Variants in DPP10 observed in about 807,000 individuals in gnomAD.
The protein encoded by DPP10 is inactive dipeptidyl peptidase 10.
A neutral mutation model predicts 120.9 loss-of-function variants in DPP10; 33 were observed. The ratio of observed to expected loss-of-function variants is 0.27; its 90% CI spans 0.21 to 0.37. DPP10 has a LOEUF of 0.37. DPP10 is among the 10% of genes least tolerant of loss of function. The pLI, the probability that DPP10 is intolerant of heterozygous loss-of-function variation, is 1.00. For synonymous variants in DPP10, 337 were observed against 326.1 expected (o/e 1.03, Z -0.36); for missense variants, 816 against 942.8 (o/e 0.87, Z 1.76).
At chr2:114,516,414 C>A (rs1483094480) in intron 1 of DPP10, among the ~76,000 whole-genome samples, 1 of 152,196 alleles carries the variant, frequency 6.6e-6, no homozygotes, top group African/African-American at 2.4e-5. Context: ...TGATGAGACT[C>A]TGCTGTTTTC....
chr2:115,295,824 G>T (rs2060860322), intron 1 of DPP10, among the ~76,000 whole-genome samples: 1 of 151,880 alleles, frequency 6.6e-6, no homozygotes, highest in African/African-American at 2.4e-5. Flanking sequence ...TGCACTCAAG[G>T]AATCTTTAAA....
chr2:114,458,657 T>C (rs1236536236), intron 1 of DPP10, among the ~76,000 whole-genome samples: 1 of 152,210 alleles, frequency 6.6e-6, no homozygotes, highest in African/African-American at 2.4e-5. Context: ...GAACCTTCTT[T>C]TCTCATCTGT....
chr2:115,056,265 G>A (rs1361545441), intron 1 of DPP10, among the ~76,000 whole-genome samples: 1 of 152,190 alleles, frequency 6.6e-6, no homozygotes, highest in African/African-American at 2.4e-5. Context: ...GTGGAGACCA[G>A]CATGAGCAAA....
intron 7 of DPP10, among the ~76,000 whole-genome samples, chr2:115,707,979 G>C (rs2092185679): frequency 1.3e-5 from 2 of 151,824 alleles, no homozygotes; most frequent in Admixed American, 1.3e-4. Context: ...AAAGAAAAAG[G>C]TGGCAAATTG....
chr2:114,575,759 A>T (rs1290733767), intron 1 of DPP10, among the ~76,000 whole-genome samples: 4 of 152,258 alleles, frequency 2.6e-5, no homozygotes, highest in South Asian at 2.1e-4. Flanking sequence ...TGGAAAACTC[A>T]TGATTTTCTC....
chr2:114,985,693 A>G (rs1700351290), intron 1 of DPP10, among the ~76,000 whole-genome samples: 1 of 152,202 alleles, frequency 6.6e-6, no homozygotes, highest in Non-Finnish European at 1.5e-5. Flanking sequence ...ACGCAGTCAC[A>G]TTGGGGTTGA....
chr2:114,513,304 T>C (rs1044240743), intron 1 of DPP10, among the ~76,000 whole-genome samples: 1 of 151,948 alleles, frequency 6.6e-6, no homozygotes, highest in Admixed American at 6.6e-5. Flanking sequence ...AGGTGGATCA[T>C]GAGGTCAGGA....
chr2:115,609,588 C>T (rs2083950253), intron 5 of DPP10, among the ~76,000 whole-genome samples: 1 of 151,964 alleles, frequency 6.6e-6, no homozygotes, highest in African/African-American at 2.4e-5. Flanking sequence ...TCTCTTCTCC[C>T]CCACCAAAAA....
intron 1 of DPP10, among the ~76,000 whole-genome samples, chr2:115,010,444 T>C (rs150006298): frequency 3.3e-5 from 5 of 152,292 alleles, no homozygotes; most frequent in East Asian, 3.9e-4. Context: ...TAAAAACAGA[T>C]GTGACAATGC....
At chr2:115,578,443 C>T (rs2149116622) in intron 5 of DPP10, among the ~76,000 whole-genome samples, 1 of 152,102 alleles carries the variant, frequency 6.6e-6, no homozygotes, top group South Asian at 2.1e-4. Context: ...TCCAGAAAAC[C>T]ATTTAAGCTG....
intron 1 of DPP10, among the ~76,000 whole-genome samples, chr2:114,546,376 G>T (rs535007315): frequency 6.6e-6 from 1 of 152,242 alleles, no homozygotes; most frequent in South Asian, 2.1e-4. Context: ...ACTCACTATT[G>T]CTAGGACAGT....
At chr2:115,161,817 CG>C in intron 1 of DPP10, 10 of 815,486 alleles carry the variant, frequency 1.2e-5, no homozygotes, top group East Asian at 3.7e-5. Flanking sequence ...TTCCCCTCCC[CG>C]CCCCTCCGCT....
intron 1 of DPP10, among the ~76,000 whole-genome samples, chr2:115,139,007 AC>A (rs2050785581): frequency 6.6e-6 from 1 of 152,212 alleles, no homozygotes; most frequent in African/African-American, 2.4e-5. Flanking sequence ...ACAAACTGCT[AC>A]ATGTGATGCA....
chr2:115,283,589 G>A (rs1328541309), intron 1 of DPP10, among the ~76,000 whole-genome samples: 1 of 151,962 alleles, frequency 6.6e-6, no homozygotes, highest in East Asian at 1.9e-4. Context: ...TTTTAACTAG[G>A]ATTTTACTCT....
chr2:114,928,985 T>A (rs1695853522), intron 1 of DPP10, among the ~76,000 whole-genome samples: 2 of 152,218 alleles, frequency 1.3e-5, no homozygotes, highest in African/African-American at 4.8e-5. Context: ...TTTCCCTAAG[T>A]GTCAGCTGGT....
chr2:115,261,848 C>T (rs146980635), intron 1 of DPP10, among the ~76,000 whole-genome samples: 1 of 152,182 alleles, frequency 6.6e-6, no homozygotes, highest in Non-Finnish European at 1.5e-5. Flanking sequence ...CAAGCTTCCT[C>T]CTAAAACACG....
intron 1 of DPP10, among the ~76,000 whole-genome samples, chr2:114,952,366 T>C (rs1697858685): frequency 6.6e-6 from 1 of 152,170 alleles, no homozygotes; most frequent in Admixed American, 6.6e-5. Context: ...TAAAAACACC[T>C]GTAAACATTC....
At chr2:115,057,337 C>A (rs1177315333) in intron 1 of DPP10, among the ~76,000 whole-genome samples, 1 of 152,070 alleles carries the variant, frequency 6.6e-6, no homozygotes, top group African/African-American at 2.4e-5. Context: ...TTATAGATGA[C>A]AAAAATATTT....
intron 19 of DPP10, among the ~76,000 whole-genome samples, chr2:115,798,969 G>A (rs1684854244): frequency 6.6e-6 from 1 of 151,918 alleles, no homozygotes; most frequent in African/African-American, 2.4e-5. Flanking sequence ...TATGATTAGA[G>A]CTCTCAGTTG....
Sources: allele counts gnomAD v4.1 joint callset (sites outside exome capture counted in the v4.1 genomes callset), GRCh38; gene constraint gnomAD v4.1.1; transcripts MANE v1.5; gene names NCBI Gene and HGNC (gene_info 2026-07-23, HGNC 2026-07-21).